RIC1: variants seen among roughly 807,000 people sequenced by gnomAD.
RIC1 encodes the protein guanine nucleotide exchange factor subunit RIC1.
In RIC1, 88 loss-of-function variants were observed where a neutral mutation model predicts 169.0. The ratio of observed to expected loss-of-function variants is 0.52; its 90% CI spans 0.44 to 0.62. The LOEUF is 0.62. Among genes scored for constraint, RIC1 ranks in the 20% least tolerant of loss-of-function variants. RIC1 has a pLI of 0.00. For missense variants in RIC1, 1,877 were observed against 1,725.5 expected (o/e 1.09, Z -1.56); for synonymous variants, 790 against 601.5 (o/e 1.31, Z -4.59).
At position 5,763,829 on chromosome 9, in the gene RIC1, G is replaced by C; in HGVS notation, c.2802G>C (p.Gln934His). The C allele has an allele frequency of 1.9e-6, 3 of 1,614,044 alleles. No individual in the cohort carries two copies. Among genetic ancestry groups the C allele is most frequent in the East Asian group, 4.5e-5 (2 of 44,882 alleles). ...TGTTTGAGGAGTGTTTGATGGCTCA[G>C]GATTTGGACACAGCTGCCTCTTACC... ...KDLFEECLMA[Q>H]DLDTAASYLI... Residue 934 changes from glutamine (Q) to histidine (H), a missense_variant, in exon 19 of 26, where the codon CAG becomes CAC. Physicochemically the swap from Gln to His is conservative, Grantham distance 24. This residue lies in a region of RIC1 where 92 missense variants were observed against 151.5 expected (regional missense o/e 0.61). Coordinates refer to ENST00000414202, the MANE Select transcript of RIC1 (RefSeq NM_020829.4). This position sits in a 1 kb window ranked among gnomAD's most constrained non-coding sequence, Gnocchi z 5.2.
intron 2 of RIC1, among the ~76,000 whole-genome samples, chr9:5,659,748 A>T (rs987919545): frequency 1.3e-5 from 2 of 152,108 alleles, no homozygotes; most frequent in Admixed American, 6.6e-5. Flanking sequence ...TTTATTTTTA[A>T]GTTTTAAATT....
chr9:5,748,015 T>G (rs1825490649), intron 12 of RIC1, among the ~76,000 whole-genome samples: 2 of 152,160 alleles, frequency 1.3e-5, no homozygotes, highest in African/African-American at 4.8e-5. Context: ...TTATTCCAAA[T>G]TATTTATTCA....
chr9:5,701,496 G>A (rs1386914942), intron 3 of RIC1, among the ~76,000 whole-genome samples: 1 of 151,584 alleles, frequency 6.6e-6, no homozygotes, highest in African/African-American at 2.4e-5. Context: ...CTACTCAGGA[G>A]GCTGAAGCAA....
In RIC1 at chr9:5,770,075, C is replaced by A. The variant is rs143455136; in HGVS notation, c.3425-12C>A. 7 of 1,588,910 alleles carry A rather than the reference C, an allele frequency of 4.4e-6. No homozygotes were observed. The highest frequency in any genetic ancestry group is 5.1e-6 in the Non-Finnish European group (6 of 1,168,516). On this transcript the variant is annotated splice_polypyrimidine_tract_variant and intron_variant, in intron 22 of 25. Coordinates refer to ENST00000414202, the MANE Select transcript of RIC1 (RefSeq NM_020829.4). ...TCTTCCTCCATTTTTTGTTTTCGGA[C>A]CCACTCTGCAGTGGGAGAGCAGCTG...
chr9:5,706,295 T>A (rs1055870314), intron 3 of RIC1, among the ~76,000 whole-genome samples: 1 of 151,986 alleles, frequency 6.6e-6, no homozygotes, highest in African/African-American at 2.4e-5. Context: ...GCATCTAAAA[T>A]AAAAAAATTA....
intron 6 of RIC1, among the ~76,000 whole-genome samples, chr9:5,723,657 G>C (rs1363366038): frequency 6.6e-6 from 1 of 152,170 alleles, no homozygotes; most frequent in African/African-American, 2.4e-5. Context: ...GAATGGTATT[G>C]TCTAGGTTTT....
intron 2 of RIC1, among the ~76,000 whole-genome samples, chr9:5,670,925 G>A (rs145688041): frequency 0.016 from 2,461 of 152,248 alleles, 26 homozygotes; most frequent in Non-Finnish European, 0.026. Flanking sequence ...TCTTCATGTC[G>A]AGTCCACTTC....
At position 5,655,997 on chromosome 9, in the gene RIC1, G is replaced by A. The variant is rs536382332; in HGVS notation, c.145-586G>A. Among the ~76,000 whole-genome samples, 9 of 152,140 alleles carry A rather than the reference G, an allele frequency of 5.9e-5. No individual in the cohort carries two copies. The South Asian group carries it at 1.7e-3, about 28-fold the overall frequency. The stretch of plus-strand genomic sequence containing the variant: ...CTATTCTCCTGCCTCAGCCTCCTGA[G>A]TAGCTGGGACTACAGGCGCCTGCCA... On this transcript the variant is annotated intron_variant, in intron 1 of 25. Coordinates refer to ENST00000414202, the MANE Select transcript of RIC1 (RefSeq NM_020829.4).
chr9:5,705,482 T>C (rs1822529871), intron 3 of RIC1, among the ~76,000 whole-genome samples: 1 of 152,150 alleles, frequency 6.6e-6, no homozygotes, highest in Non-Finnish European at 1.5e-5. Context: ...ATTTCTGTGT[T>C]GATCATGTAC....
At chr9:5,686,282 T>C (rs1821216290) in intron 2 of RIC1, among the ~76,000 whole-genome samples, 1 of 152,032 alleles carries the variant, frequency 6.6e-6, no homozygotes, top group Non-Finnish European at 1.5e-5. Context: ...ACTGGGTATA[T>C]ACCCAAATGA....
At chr9:5,659,229 G>GA (rs1187622093) in intron 2 of RIC1, among the ~76,000 whole-genome samples, 6 of 152,030 alleles carry the variant, frequency 3.9e-5, no homozygotes, top group African/African-American at 1.4e-4. Flanking sequence ...GTTATTTCTG[G>GA]ATGCTCCATT....
chr9:5,691,465 A>G (rs201688589), intron 3 of RIC1, among the ~76,000 whole-genome samples: 118 of 152,114 alleles, frequency 7.8e-4, no homozygotes, highest in African/African-American at 2.7e-3. Context: ...TTTAAAGTAC[A>G]GACTTTTTTG....
At chr9:5,709,301 C>G (rs1235423482) in intron 3 of RIC1, among the ~76,000 whole-genome samples, 1 of 152,176 alleles carries the variant, frequency 6.6e-6, no homozygotes, top group Non-Finnish European at 1.5e-5. Flanking sequence ...CATCCCCAAT[C>G]CATTCCTTAG....
At chr9:5,644,230 C>G (rs1182582703) in intron 1 of RIC1, among the ~76,000 whole-genome samples, 1 of 152,180 alleles carries the variant, frequency 6.6e-6, no homozygotes, top group Admixed American at 6.5e-5. Flanking sequence ...AACCTCTTCT[C>G]CCATTCCAGC....
At chr9:5,762,715 A>G (rs1826424266) in intron 18 of RIC1, 55 bp downstream of exon 18, 2 of 1,560,592 alleles carry the variant, frequency 1.3e-6, no homozygotes, top group Non-Finnish European at 1.7e-6. Flanking sequence ...TGGGATGAGG[A>G]TGAAGGAATG....
intron 1 of RIC1, among the ~76,000 whole-genome samples, chr9:5,647,620 A>G (rs1450294429): frequency 6.6e-6 from 1 of 152,162 alleles, no homozygotes; most frequent in Non-Finnish European, 1.5e-5. Flanking sequence ...TCCTGAATTC[A>G]TTCATTCTAA....
chr9:5,770,032 G>T (rs778082079), intron 22 of RIC1, 55 bp from the exon 23 acceptor site: 3 of 1,439,440 alleles, frequency 2.1e-6, no homozygotes, highest in Admixed American at 4.1e-5. Flanking sequence ...GAAAATGTCA[G>T]TGTGTGCATC....
intron 2 of RIC1, among the ~76,000 whole-genome samples, chr9:5,657,352 G>C (rs371151856): frequency 3.7e-4 from 56 of 151,964 alleles, no homozygotes; most frequent in African/African-American, 1.3e-3. Flanking sequence ...CTGTCATTAT[G>C]ACTTAATATG....
At chr9:5,679,100 G>A (rs1820640627) in intron 2 of RIC1, among the ~76,000 whole-genome samples, 1 of 151,998 alleles carries the variant, frequency 6.6e-6, no homozygotes, top group Non-Finnish European at 1.5e-5. Context: ...ATTAAATAGG[G>A]AATCCTTTCC....
Sources: allele counts gnomAD v4.1 joint callset (sites outside exome capture counted in the v4.1 genomes callset), GRCh38; gene constraint gnomAD v4.1.1; regional missense constraint gnomAD v4.1.1; non-coding constraint Gnocchi (gnomAD v3.1); transcripts MANE v1.5; gene names NCBI Gene and HGNC (gene_info 2026-07-23, HGNC 2026-07-21).